The following NEK7 variants were observed in gnomAD, a reference collection of about 807,000 sequenced individuals.
The protein encoded by NEK7 is serine/threonine-protein kinase Nek7.
In NEK7, 18 loss-of-function variants were observed where a neutral mutation model predicts 44.6. The ratio of observed to expected loss-of-function variants is 0.40; its 90% CI spans 0.28 to 0.60. The LOEUF is 0.60. Among genes scored for constraint, NEK7 ranks in the 20% least tolerant of loss-of-function variants. The probability of loss-of-function intolerance (pLI) is 0.38; values close to 1 mark genes in which losing one functional copy is unlikely to be tolerated. For missense variants in NEK7, 256 were observed against 366.5 expected (o/e 0.70, Z 2.46); for synonymous variants, 130 against 121.1 (o/e 1.07, Z -0.48).
intron 1 of NEK7, chr1:198,197,770 GGCCT>G: frequency 1.4e-6 from 1 of 695,076 alleles, no homozygotes; most frequent in Non-Finnish European, 2.7e-6. Context: ...TAAGGTCCAG[GGCCT>G]GTATTCAGTC....
At chr1:198,229,049 C>T (rs1336664274) in intron 1 of NEK7, among the ~76,000 whole-genome samples, 1 of 152,190 alleles carries the variant, frequency 6.6e-6, no homozygotes, top group Non-Finnish European at 1.5e-5. Context: ...GAAAGGAATG[C>T]TGCACAAAGA....
At chr1:198,304,972 A>G (rs1392514326) in intron 9 of NEK7, among the ~76,000 whole-genome samples, 1 of 152,134 alleles carries the variant, frequency 6.6e-6, no homozygotes, top group African/African-American at 2.4e-5. Context: ...GCTTTTGTAT[A>G]TTCAGACCTT....
chr1:198,197,921 G>T, intron 1 of NEK7: 1 of 1,383,208 alleles, frequency 7.2e-7, no homozygotes, highest in Non-Finnish European at 1.0e-6. Flanking sequence ...AGGAGCCAAG[G>T]GATTCACAGG....
chr1:198,310,589 G>C (rs779858965), intron 9 of NEK7, among the ~76,000 whole-genome samples: 1 of 150,552 alleles, frequency 6.6e-6, no homozygotes, highest in Non-Finnish European at 1.5e-5. Context: ...TAACGTTTAA[G>C]TCTTTAATCC....
At chr1:198,217,817 AC>A (rs1215094077) in intron 1 of NEK7, among the ~76,000 whole-genome samples, 30 of 149,750 alleles carry the variant, frequency 2.0e-4, no homozygotes, top group African/African-American at 6.2e-4. Context: ...AATCAAGAAC[AC>A]AATCCGTTTT....
chr1:198,234,801 C>CT (rs1318817058), intron 2 of NEK7, among the ~76,000 whole-genome samples: 2 of 152,198 alleles, frequency 1.3e-5, no homozygotes, highest in African/African-American at 4.8e-5. Flanking sequence ...GTCCCAGGTT[C>CT]TAGCTGCCTT....
chr1:198,230,037 C>T (rs950087742), intron 1 of NEK7, among the ~76,000 whole-genome samples: 13 of 152,062 alleles, frequency 8.5e-5, no homozygotes, highest in South Asian at 6.2e-4. Flanking sequence ...AGCAAAGAAA[C>T]GAAACTTAAG....
chr1:198,273,895 G>T lies in NEK7; in HGVS notation c.373-4066G>T, dbSNP rs181722070. The stretch of plus-strand genomic sequence containing the variant: ...TTTTAGAAGTGGTGGAGACGTCATA[G>T]ATCATCTCCAAACTCTGTTTATAAT... On this transcript the variant is annotated intron_variant, in intron 5 of 9. Coordinates refer to ENST00000367385, the MANE Select transcript of NEK7 (RefSeq NM_133494.3). Among the ~76,000 whole-genome samples, 702 of 151,708 alleles carry T rather than the reference G, an allele frequency of 4.6e-3. 3 individuals are homozygous for T. Among genetic ancestry groups the T allele is most frequent in the Non-Finnish European group, 7.8e-3 (528 of 67,726 alleles).
intron 2 of NEK7, among the ~76,000 whole-genome samples, chr1:198,242,295 A>ATTTTG (rs1666705489): frequency 2.0e-5 from 3 of 152,078 alleles, no homozygotes; most frequent in Middle Eastern, 3.2e-3. Context: ...GTATCAGAAC[A>ATTTTG]CAGTATGGTG....
chr1:198,183,144 A>T (rs1664815716), intron 1 of NEK7, among the ~76,000 whole-genome samples: 1 of 152,314 alleles, frequency 6.6e-6, no homozygotes, highest in Non-Finnish European at 1.5e-5. Flanking sequence ...GGTATTTGTG[A>T]AATGAAAAAT....
chr1:198,236,067 C>G (rs1245120601), intron 2 of NEK7, among the ~76,000 whole-genome samples: 1 of 152,052 alleles, frequency 6.6e-6, no homozygotes, highest in Admixed American at 6.5e-5. Flanking sequence ...TAAAGTTTAC[C>G]TTGAGTAGCA....
At chr1:198,313,650 C>G (rs1655260037) in intron 9 of NEK7, among the ~76,000 whole-genome samples, 1 of 136,740 alleles carries the variant, frequency 7.3e-6, no homozygotes, top group Non-Finnish European at 1.5e-5. Context: ...GACAAAATCT[C>G]TCAGCATTTG....
At chr1:198,238,436 T>C (rs1442580572) in intron 2 of NEK7, among the ~76,000 whole-genome samples, 1 of 152,052 alleles carries the variant, frequency 6.6e-6, no homozygotes, top group East Asian at 1.9e-4. Context: ...AGTCATCTTC[T>C]GACCTCCTCA....
At chr1:198,303,688 C>T (rs995603885) in intron 9 of NEK7, among the ~76,000 whole-genome samples, 5 of 151,834 alleles carry the variant, frequency 3.3e-5, no homozygotes, top group Admixed American at 1.3e-4. Context: ...TTTAAGTTGG[C>T]GTTAGAGGAT....
At chr1:198,197,472 T>G (rs192837932) in intron 1 of NEK7, among the ~76,000 whole-genome samples, 22 of 152,372 alleles carry the variant, frequency 1.4e-4, no homozygotes, top group Admixed American at 3.3e-4. Context: ...CATTACATAT[T>G]TAAGTGTACA....
At chr1:198,226,360 C>T (rs1008279749) in intron 1 of NEK7, among the ~76,000 whole-genome samples, 1 of 151,976 alleles carries the variant, frequency 6.6e-6, no homozygotes, top group South Asian at 2.1e-4. Context: ...GCCTGACCAA[C>T]ATGGTAAAAC....
At chr1:198,182,969 A>G (rs191878461) in intron 1 of NEK7, among the ~76,000 whole-genome samples, 229 of 152,298 alleles carry the variant, frequency 1.5e-3, no homozygotes, top group Non-Finnish European at 2.0e-3. Context: ...TTTGGTTTGA[A>G]TGAGAACTCA....
intron 1 of NEK7, among the ~76,000 whole-genome samples, chr1:198,176,413 G>A (rs1571502997): frequency 6.6e-6 from 1 of 152,144 alleles, no homozygotes; most frequent in Admixed American, 6.5e-5. Flanking sequence ...GAGGCACATA[G>A]GTATTAAATA....
chr1:198,276,412 G>T (rs1320753370), intron 5 of NEK7, among the ~76,000 whole-genome samples: 1 of 151,626 alleles, frequency 6.6e-6, no homozygotes, highest in Non-Finnish European at 1.5e-5. Flanking sequence ...TGCTAATCCA[G>T]CATCAGGGAG....
Sources: gnomAD v4.1 joint callset for allele counts (sites outside exome capture counted in the v4.1 genomes callset) on GRCh38, gnomAD v4.1.1 for gene constraint, MANE v1.5 for transcripts, NCBI Gene and HGNC (gene_info 2026-07-23, HGNC 2026-07-21) for gene names.